The following KLC1 variants were observed in gnomAD, a reference collection of about 807,000 sequenced individuals.
The protein encoded by KLC1 is kinesin light chain 1.
A neutral mutation model predicts 84.2 loss-of-function variants in KLC1; 30 were observed. The ratio of observed to expected loss-of-function variants is 0.36; its 90% CI spans 0.27 to 0.48. KLC1 has a LOEUF of 0.48. KLC1 is among the 20% of genes least tolerant of loss of function. KLC1 has a pLI of 0.99. For missense variants in KLC1, 499 were observed against 805.4 expected, an observed-to-expected ratio of 0.62 and a Z score of 4.60; for synonymous variants, 289 against 293.3, an observed-to-expected ratio of 0.99 and a Z score of 0.15.
intron 1 of KLC1, among the ~76,000 whole-genome samples, chr14:103,651,832 A>G (rs1350580589): frequency 2.0e-5 from 3 of 152,182 alleles, no homozygotes; most frequent in Admixed American, 6.5e-5. Context: ...GTGCTACTTG[A>G]TAACACTGGC....
intron 1 of KLC1, among the ~76,000 whole-genome samples, chr14:103,638,470 T>C (rs183394027): frequency 2.0e-5 from 3 of 151,888 alleles, no homozygotes; most frequent in African/African-American, 7.2e-5. Context: ...TTTGTGCAAC[T>C]ACCATCTATC....
chr14:103,680,995 G>A (rs2081297837), intron 13 of KLC1, among the ~76,000 whole-genome samples: 1 of 152,186 alleles, frequency 6.6e-6, no homozygotes, highest in African/African-American at 2.4e-5. Flanking sequence ...CCCTGCAGGG[G>A]GTTCGTGGGC....
At chr14:103,695,651 G>A (rs1372118603) in intron 15 of KLC1, 2 of 985,328 alleles carry the variant, frequency 2.0e-6, no homozygotes, top group Non-Finnish European at 2.4e-6. Flanking sequence ...GGCTGAATAT[G>A]GAGTTGAATT....
chr14:103,649,017 G>C (rs1451951243), intron 1 of KLC1, among the ~76,000 whole-genome samples: 1 of 152,084 alleles, frequency 6.6e-6, no homozygotes, highest in East Asian at 1.9e-4. Context: ...CATGCCTGTA[G>C]TCCCAGCTAC....
rs1270793991 is a variant in KLC1 at position 103,692,912 on chromosome 14, G to A, written c.1848+487G>A. 2.6e-5 allele frequency among the ~76,000 whole-genome samples: 4 copies of A among 152,302 alleles called. No individual in the cohort carries two copies. The East Asian group carries it at 7.7e-4, about 29-fold the overall frequency. On this transcript the variant is annotated intron_variant, in intron 15 of 16. Transcript: ENST00000334553. Reference sequence around the variant, plus strand: ...TGAAGCACTCGGTGCAGTTGCTCGGGCCTCACACAGACACATCAGGTTTAC... The same window carrying A: ...TGAAGCACTCGGTGCAGTTGCTCGGACCTCACACAGACACATCAGGTTTAC...
At chr14:103,679,315 ATC>A in intron 12 of KLC1, 67 bp from the exon 13 acceptor site, 1 of 1,420,314 alleles carries the variant, frequency 7.0e-7, no homozygotes, top group South Asian at 1.3e-5. Flanking sequence ...CTAGCGAAGT[ATC>A]TCAGAAATAC....
chr14:103,629,541 C>T (rs1467759531), intron 1 of KLC1, 47 bp downstream of exon 1: 2 of 152,638 alleles, frequency 1.3e-5, no homozygotes, highest in Non-Finnish European at 2.9e-5. Flanking sequence ...TCCTCATCCT[C>T]CGCCCCGTCC....
intron 16 of KLC1, among the ~76,000 whole-genome samples, chr14:103,700,966 A>C (rs2083144127): frequency 6.6e-6 from 1 of 152,208 alleles, no homozygotes; most frequent in Non-Finnish European, 1.5e-5. Flanking sequence ...CTCTGTGTCC[A>C]CACCCCTGGC....
chr14:103,692,194 T>C (rs1014571359), intron 14 of KLC1, among the ~76,000 whole-genome samples, 165 bp from the exon 15 acceptor site: 5 of 152,058 alleles, frequency 3.3e-5, no homozygotes, highest in African/African-American at 4.8e-5. Flanking sequence ...GGGCACTAAA[T>C]AGAGTGAGAC....
intron 5 of KLC1, among the ~76,000 whole-genome samples, chr14:103,669,135 A>C (rs2080157211): frequency 1.3e-5 from 2 of 151,888 alleles, no homozygotes; most frequent in Non-Finnish European, 2.9e-5. Context: ...TGAAAATTAC[A>C]TTTAAAAAAG....
chr14:103,660,200 G>T (rs1182701232), intron 3 of KLC1, among the ~76,000 whole-genome samples: 1 of 152,320 alleles, frequency 6.6e-6, no homozygotes, highest in South Asian at 2.1e-4. Flanking sequence ...AAAAGATGTG[G>T]CTGGGCGCAG....
chr14:103,669,442 GAAAA>G (rs2080196001), intron 5 of KLC1, 65 bp from the exon 6 acceptor site: 6 of 923,520 alleles, frequency 6.5e-6, no homozygotes, highest in Non-Finnish European at 1.0e-5. Flanking sequence ...TAAAAAAAAA[GAAAA>G]GAAAAGAAAA....
rs563164642 is a variant in KLC1, at chr14:103,684,395, T to C, written c.1651-2686T>C. 1.7e-4 allele frequency among the ~76,000 whole-genome samples: 26 copies of C among 152,364 alleles called. No individual in the cohort carries two copies. The South Asian group carries it at 3.7e-3, about 22-fold the overall frequency. On this transcript the variant is annotated intron_variant, in intron 13 of 16. Coordinates refer to ENST00000334553, the MANE Select transcript of KLC1 (RefSeq NM_001394837.1). ...TAGACAGTTTCTTAAGCTGTTAGAATGCAGTGAATCCTCCCAGGCCCTGAA... is the reference window on the plus strand; with the variant it reads ...TAGACAGTTTCTTAAGCTGTTAGAACGCAGTGAATCCTCCCAGGCCCTGAA...
chr14:103,640,147 A>G (rs1264165029), intron 1 of KLC1, among the ~76,000 whole-genome samples: 2 of 152,026 alleles, frequency 1.3e-5, no homozygotes, highest in African/African-American at 2.4e-5. Context: ...TGCAAACTCC[A>G]CTTTCCAGGT....
At chr14:103,678,943 C>T (rs1227804082) in intron 12 of KLC1, among the ~76,000 whole-genome samples, 1 of 152,128 alleles carries the variant, frequency 6.6e-6, no homozygotes, top group Non-Finnish European at 1.5e-5. Flanking sequence ...TACCTCATCC[C>T]CACTAGACTG....
chr14:103,646,848 G>A (rs2077980702), intron 1 of KLC1, among the ~76,000 whole-genome samples: 1 of 152,062 alleles, frequency 6.6e-6, no homozygotes, highest in Admixed American at 6.6e-5. Flanking sequence ...CTGGGTTCAA[G>A]GGATCCTCCC....
chr14:103,640,922 T>C (rs545803130), intron 1 of KLC1, among the ~76,000 whole-genome samples: 3 of 152,112 alleles, frequency 2.0e-5, no homozygotes, highest in African/African-American at 7.2e-5. Context: ...ACTATTATTA[T>C]TACTATTATT....
chr14:103,630,822 C>G (rs1234306863), intron 1 of KLC1, among the ~76,000 whole-genome samples: 3 of 152,208 alleles, frequency 2.0e-5, no homozygotes, highest in African/African-American at 7.2e-5. Context: ...GAGCCAGTGT[C>G]TCTCCAAGTC....
chr14:103,699,316 C>G, intron 15 of KLC1: 2 of 1,557,356 alleles, frequency 1.3e-6, no homozygotes, highest in Non-Finnish European at 1.7e-6. Flanking sequence ...CTTCCGCATC[C>G]TGGCTAAAAA....
Sources: allele counts gnomAD v4.1 joint callset (sites outside exome capture counted in the v4.1 genomes callset), GRCh38; gene constraint gnomAD v4.1.1; transcripts MANE v1.5; gene names NCBI Gene and HGNC (gene_info 2026-07-23, HGNC 2026-07-21).